Variants in CLPB observed in about 807,000 individuals in gnomAD.
CLPB encodes the protein mitochondrial disaggregase.
CLPB carries 40 observed loss-of-function variants against 78.4 expected under a neutral mutation model. The observed-to-expected ratio is 0.51, with a 90% CI of 0.40 to 0.66. CLPB has a LOEUF of 0.66. Ranked by LOEUF, CLPB falls within the 30% of genes least tolerant of loss-of-function variation. CLPB has a pLI of 0.00. For synonymous variants in CLPB, 333 were observed against 348.0 expected, an observed-to-expected ratio of 0.96 and a Z score of 0.48; for missense variants, 780 against 886.9, an observed-to-expected ratio of 0.88 and a Z score of 1.53.
At chr11:72,420,176 CAATT>C (rs1856150469) in intron 2 of CLPB, among the ~76,000 whole-genome samples, 1 of 152,086 alleles carries the variant, frequency 6.6e-6, no homozygotes, top group Non-Finnish European at 1.5e-5. Flanking sequence ...GATCTTGTCT[CAATT>C]AAATAAACAA....
intron 11 of CLPB, among the ~76,000 whole-genome samples, chr11:72,298,823 G>C (rs1020266696): frequency 3.9e-5 from 6 of 152,126 alleles, no homozygotes; most frequent in Non-Finnish European, 5.9e-5. Flanking sequence ...CTTCTCTGGC[G>C]AGTCTGTCTT....
chr11:72,344,178 A>G (rs1414305901), intron 5 of CLPB, among the ~76,000 whole-genome samples: 1 of 152,082 alleles, frequency 6.6e-6, no homozygotes, highest in Non-Finnish European at 1.5e-5. Flanking sequence ...CTGCTGACCA[A>G]TCTTGCCTCC....
At chr11:72,433,804 T>C (rs946629406) in intron 1 of CLPB, among the ~76,000 whole-genome samples, 1 of 151,932 alleles carries the variant, frequency 6.6e-6, no homozygotes, top group African/African-American at 2.4e-5. Flanking sequence ...TGCTATAATA[T>C]TAGATGTTTA....
intron 6 of CLPB, among the ~76,000 whole-genome samples, chr11:72,326,946 G>A (rs75623329): frequency 0.013 from 1,918 of 152,318 alleles, 17 homozygotes; most frequent in African/African-American, 0.031. Context: ...AGGGCTGAGG[G>A]GTGCTTCACA....
intron 4 of CLPB, 193 bp from the exon 5 acceptor site, chr11:72,359,201 G>A: frequency 2.7e-6 from 2 of 741,524 alleles, no homozygotes; most frequent in Non-Finnish European, 2.4e-6. Context: ...GTTCCACAAT[G>A]TTTACTGACA....
chr11:72,341,147 A>G (rs189897500), intron 5 of CLPB, among the ~76,000 whole-genome samples: 29 of 152,288 alleles, frequency 1.9e-4, no homozygotes, highest in Non-Finnish European at 3.7e-4. Flanking sequence ...AAAGAGAGAA[A>G]AGCCTTAGTC....
chr11:72,350,870 A>AT (rs1263186930), intron 5 of CLPB, among the ~76,000 whole-genome samples: 1 of 152,180 alleles, frequency 6.6e-6, no homozygotes, highest in Admixed American at 6.5e-5. Context: ...AAGTTCACCC[A>AT]TTTAAAGTAC....
intron 2 of CLPB, among the ~76,000 whole-genome samples, chr11:72,422,955 C>G (rs956172642): frequency 6.6e-6 from 1 of 152,208 alleles, no homozygotes. Context: ...CCAAACCAAG[C>G]CATCAGTGCA....
chr11:72,337,617 T>G (rs931778620), intron 5 of CLPB, among the ~76,000 whole-genome samples: 1 of 152,148 alleles, frequency 6.6e-6, no homozygotes, highest in Non-Finnish European at 1.5e-5. Flanking sequence ...GGATTTAACA[T>G]GGGGATTTAT....
At chr11:72,373,683 C>A (rs1161858718) in intron 4 of CLPB, among the ~76,000 whole-genome samples, 1 of 152,180 alleles carries the variant, frequency 6.6e-6, no homozygotes, top group African/African-American at 2.4e-5. Flanking sequence ...CAGTGGCTTA[C>A]CCCTGTAATG....
intron 7 of CLPB, among the ~76,000 whole-genome samples, chr11:72,309,815 G>T (rs1039404379): frequency 1.3e-5 from 2 of 152,200 alleles, no homozygotes; most frequent in Non-Finnish European, 2.9e-5. Flanking sequence ...GGTCCCCAGG[G>T]TGTCAGGGGA....
In CLPB at chr11:72,292,977, GTC is replaced by G; in HGVS notation, c.*388_*389del. ...AGGGTGGCAGTTCAGTCTGGTCCCT[GTC>G]TTCTTCCAGCCAGCTGTGTTCTTAG... On this transcript the variant is annotated 3_prime_UTR_variant, in exon 16 of 16. Transcript: ENST00000538039. 2 of 194,124 alleles carry G rather than the reference GTC, an allele frequency of 1.0e-5. No homozygotes were observed. Among genetic ancestry groups the G allele is most frequent in the East Asian group, 2.4e-4 (2 of 8,280 alleles). 12.0% of individuals were successfully genotyped at this position (194,124 alleles called of 1,614,324 possible).
intron 2 of CLPB, among the ~76,000 whole-genome samples, chr11:72,415,323 C>T (rs1282741321): frequency 6.6e-6 from 1 of 152,210 alleles, no homozygotes; most frequent in Admixed American, 6.5e-5. Context: ...CCAATTCTTC[C>T]CTTCTTTCCC....
Position 72,308,590 on chromosome 11 carries a change from C to T in CLPB, c.1003G>A (p.Glu335Lys), listed in dbSNP as rs765777645. 4 of 1,614,208 alleles carry T rather than the reference C, an allele frequency of 2.5e-6. No homozygotes were observed. The highest frequency in any genetic ancestry group is 3.4e-6 in the Non-Finnish European group (4 of 1,180,006). ...ATVGAAIRRK[E>K]NGWYDEEHPL... ...TGTTCTTCATCGTACCAGCCATTCT[C>T]CTTCCTCCGGATCGCTACGGCCAAA... is the stretch of plus-strand genomic sequence containing the variant. The change falls in exon 8 of 16, where the codon GAG becomes AAG. Residue 335 changes from glutamate (E) to lysine (K), a missense_variant. Glu to Lys is a moderately conservative substitution (Grantham distance 56). Around this residue, in one of 3 missense-constraint regions of CLPB, gnomAD observed 91 missense variants for 168.2 expected, o/e 0.54. Coordinates refer to ENST00000538039, the MANE Select transcript of CLPB (RefSeq NM_001258392.3).
intron 5 of CLPB, among the ~76,000 whole-genome samples, chr11:72,339,091 A>G (rs1950372111): frequency 6.6e-6 from 1 of 152,224 alleles, no homozygotes; most frequent in South Asian, 2.1e-4. Flanking sequence ...CAGCATGTTT[A>G]TCTATGACAT....
Position 72,434,292 on chromosome 11 carries a change from G to C in CLPB, c.183C>G (p.Ala61=), listed in dbSNP as rs761231236. Residue 61 remains alanine, a synonymous_variant, in exon 1 of 16, where the codon GCC becomes GCG. Coordinates refer to ENST00000538039, the MANE Select transcript of CLPB (RefSeq NM_001258392.3). ...TGGCTGCCCCACGTCCGGAGAACAA[G>C]GCCGGCGATGTTCCAGGGCGCCCCC... ...ATGGRPGTSP[A]LFSGRGAATG... 2.5e-6 allele frequency: 4 copies of C among 1,612,260 alleles called. No homozygotes were observed. The South Asian group carries it at 4.4e-5, about 18-fold the overall frequency.
intron 3 of CLPB, among the ~76,000 whole-genome samples, chr11:72,401,975 T>C (rs75218268): frequency 0.062 from 9,363 of 152,008 alleles, 376 homozygotes; most frequent in African/African-American, 0.11. Context: ...ACACAGATCA[T>C]GGCTGGGCAC....
chr11:72,334,752 G>T (rs900897606), intron 5 of CLPB, among the ~76,000 whole-genome samples: 8 of 152,232 alleles, frequency 5.3e-5, no homozygotes, highest in Admixed American at 2.6e-4. Context: ...ATGGAGGTGG[G>T]GAATGCTAAT....
At chr11:72,411,657 G>C (rs1590915728) in intron 2 of CLPB, 1 of 152,154 alleles carries the variant, frequency 6.6e-6, no homozygotes, top group Middle Eastern at 3.2e-3. Context: ...CCCAGAAAGG[G>C]ACACAGGGGC....
Sources: allele counts gnomAD v4.1 joint callset (sites outside exome capture counted in the v4.1 genomes callset), GRCh38; gene constraint gnomAD v4.1.1; regional missense constraint gnomAD v4.1.1; transcripts MANE v1.5; gene names NCBI Gene and HGNC (gene_info 2026-07-23, HGNC 2026-07-21).